STPG2: variants seen among roughly 807,000 people sequenced by gnomAD.
The protein encoded by STPG2 is sperm tail PG-rich repeat containing 2.
Under a neutral mutation model 54.2 loss-of-function variants are expected in STPG2, and 56 were observed. That is an observed-to-expected ratio of 1.03 (90% CI 0.83 to 1.29). STPG2 has a LOEUF of 1.29. STPG2 is among the 50% of genes most tolerant of loss of function. STPG2 has a pLI of 0.00. For synonymous variants in STPG2, 200 were observed against 181.8 expected (o/e 1.10, Z -0.81); for missense variants, 596 against 544.9 (o/e 1.09, Z -0.93).
chr4:97,875,922 A>G (rs1270370907), intron 8 of STPG2, among the ~76,000 whole-genome samples: 2 of 152,042 alleles, frequency 1.3e-5, no homozygotes, highest in Non-Finnish European at 2.9e-5. Context: ...GAGAGTTACC[A>G]CTGAAAAAAA....
At chr4:97,692,978 T>C (rs780258163) in intron 10 of STPG2, among the ~76,000 whole-genome samples, 4 of 152,138 alleles carry the variant, frequency 2.6e-5, no homozygotes, top group Non-Finnish European at 4.4e-5. Flanking sequence ...GATACAATCT[T>C]TTTCAGACAA....
chr4:97,999,832 G>T (rs918038610), intron 5 of STPG2, among the ~76,000 whole-genome samples: 3 of 152,166 alleles, frequency 2.0e-5, no homozygotes, highest in African/African-American at 7.2e-5. Flanking sequence ...GGAGCTCAGT[G>T]GAGAGGTCAG....
intron 8 of STPG2, among the ~76,000 whole-genome samples, chr4:97,898,155 C>T (rs10856931): frequency 0.57 from 85,798 of 151,730 alleles, 24,611 homozygotes; most frequent in East Asian, 0.74. Flanking sequence ...ATTTATTGAA[C>T]AGTGACTCCT....
At chr4:97,553,654 T>C (rs1732015956) in intron 4 of STPG2, among the ~76,000 whole-genome samples, 2 of 152,214 alleles carry the variant, frequency 1.3e-5, no homozygotes, top group African/African-American at 4.8e-5. Context: ...ACTCTGCTTC[T>C]CAAGATCTGC....
intron 9 of STPG2, among the ~76,000 whole-genome samples, chr4:97,741,057 C>T (rs182891395): frequency 0.013 from 1,936 of 152,122 alleles, 46 homozygotes; most frequent in African/African-American, 0.044. Flanking sequence ...GAAAAAACAC[C>T]GCATATCTAC....
At chr4:97,562,084 T>C (rs1177097988) in intron 10 of STPG2, among the ~76,000 whole-genome samples, 2 of 152,218 alleles carry the variant, frequency 1.3e-5, no homozygotes, top group Non-Finnish European at 2.9e-5. Flanking sequence ...CATGGAATGT[T>C]CTTCCATTTG....
At position 97,960,806 on chromosome 4, in the gene STPG2, T is replaced by A. The variant is rs1733856247; in HGVS notation, c.933+11474A>T. Among the ~76,000 whole-genome samples the A allele has an allele frequency of 2.0e-5, 3 of 151,986 alleles. No homozygotes were observed. In the South Asian group the frequency reaches 6.2e-4, roughly 32 times the overall value. On this transcript the variant is annotated intron_variant, in intron 7 of 10. Coordinates refer to ENST00000295268, the MANE Select transcript of STPG2 (RefSeq NM_174952.3). ...ATCTATAAATTCAATGCAATTCCCA[T>A]CAAAATACCATCATCACCCTCACAG... is the stretch of plus-strand genomic sequence containing the variant.
intron 10 of STPG2, among the ~76,000 whole-genome samples, chr4:97,574,200 C>T (rs1732665892): frequency 6.6e-6 from 1 of 151,876 alleles, no homozygotes; most frequent in African/African-American, 2.4e-5. Flanking sequence ...TTTAAATAAA[C>T]TCGTGAAACC....
At chr4:97,773,994 G>GGGGTGT (rs71588915) in intron 9 of STPG2, among the ~76,000 whole-genome samples, 61 of 147,252 alleles carry the variant, frequency 4.1e-4, no homozygotes, top group African/African-American at 8.1e-4. Context: ...TAAAATATAG[G>GGGGTGT]GTGTGTGTGT....
chr4:97,654,270 A>G (rs1447790213), intron 10 of STPG2, among the ~76,000 whole-genome samples: 1 of 152,202 alleles, frequency 6.6e-6, no homozygotes, highest in African/African-American at 2.4e-5. Flanking sequence ...AATAAAGAAC[A>G]TCATAAATCA....
At position 97,712,719 on chromosome 4, in the gene STPG2, G is replaced by T; in HGVS notation, c.1300C>A (p.Pro434Thr). Residue 434 changes from proline to threonine, a missense_variant, in exon 10 of 11, where the codon CCA (proline) becomes ACA (threonine). Physicochemically the swap from Pro to Thr is conservative, Grantham distance 38. Coordinates refer to ENST00000295268, the MANE Select transcript of STPG2 (RefSeq NM_174952.3). ...CAAACCTCATATGTTGCTGGGCCTG[G>T]AGTAATCTCTTTGGACTCTTCAAAG... ...KRFEESKEITPGPATYEISQE... is the reference protein window; with the variant it reads ...KRFEESKEITTGPATYEISQE... 1 of 1,596,436 alleles carries T rather than the reference G, an allele frequency of 6.3e-7. No individual in the cohort carries two copies. The highest frequency in any genetic ancestry group is 8.5e-7 in the Non-Finnish European group (1 of 1,170,302).
At chr4:97,773,233 T>TA (rs1301892860) in intron 9 of STPG2, among the ~76,000 whole-genome samples, 1 of 152,158 alleles carries the variant, frequency 6.6e-6, no homozygotes, top group Non-Finnish European at 1.5e-5. Context: ...ACTGTACCTT[T>TA]AATCATGAAT....
chr4:97,902,731 T>C (rs1348671414), intron 8 of STPG2, among the ~76,000 whole-genome samples: 2 of 152,144 alleles, frequency 1.3e-5, no homozygotes, highest in African/African-American at 4.8e-5. Flanking sequence ...TGGAAAACAG[T>C]ATAGAGGCTC....
At chr4:97,875,595 T>C (rs918765592) in intron 8 of STPG2, among the ~76,000 whole-genome samples, 3 of 152,016 alleles carry the variant, frequency 2.0e-5, no homozygotes. Flanking sequence ...AGAGGAAAAA[T>C]TATAGTTATC....
At chr4:97,611,098 C>T (rs1476038809) in intron 10 of STPG2, among the ~76,000 whole-genome samples, 1 of 151,704 alleles carries the variant, frequency 6.6e-6, no homozygotes, top group Non-Finnish European at 1.5e-5. Flanking sequence ...GAATTTCTGC[C>T]TTCACAAGGC....
At chr4:97,708,285 C>T (rs954828840) in intron 10 of STPG2, among the ~76,000 whole-genome samples, 8 of 151,424 alleles carry the variant, frequency 5.3e-5, no homozygotes, top group Admixed American at 2.6e-4. Flanking sequence ...AAGGAAACAA[C>T]GTAAATAGAC....
At chr4:97,662,979 A>G (rs1560708419) in intron 10 of STPG2, among the ~76,000 whole-genome samples, 1 of 152,324 alleles carries the variant, frequency 6.6e-6, no homozygotes, top group East Asian at 1.9e-4. Flanking sequence ...ACTAATATGC[A>G]AATCTTGAAG....
intron 10 of STPG2, among the ~76,000 whole-genome samples, chr4:97,616,092 A>ATATATATATATATATATG (rs764342142): frequency 4.2e-3 from 262 of 62,994 alleles, no homozygotes; most frequent in Middle Eastern, 0.017. Flanking sequence ...ATATATATAT[A>ATATATATATATATATATG]TATGTATGTA....
intron 4 of STPG2, among the ~76,000 whole-genome samples, chr4:97,505,952 T>A (rs67016390): frequency 0.25 from 36,544 of 148,408 alleles, 5,178 homozygotes; most frequent in Non-Finnish European, 0.31. Context: ...CTAGCTACTA[T>A]TGTTACATAG....
Sources: allele counts gnomAD v4.1 joint callset (sites outside exome capture counted in the v4.1 genomes callset), GRCh38; gene constraint gnomAD v4.1.1; transcripts MANE v1.5; gene names NCBI Gene and HGNC (gene_info 2026-07-23, HGNC 2026-07-21).